Variants in AGPAT4 observed in about 807,000 individuals in gnomAD.
The protein encoded by AGPAT4 is 1-acyl-sn-glycerol-3-phosphate acyltransferase delta.
Under a neutral mutation model 48.0 loss-of-function variants are expected in AGPAT4, and 15 were observed. The ratio of observed to expected loss-of-function variants is 0.31; its 90% CI spans 0.21 to 0.48. AGPAT4 has a LOEUF of 0.48. Among genes scored for constraint, AGPAT4 ranks in the 20% least tolerant of loss-of-function variants. The pLI is 0.99. For synonymous variants in AGPAT4, 178 were observed against 198.7 expected, an observed-to-expected ratio of 0.90 and a Z score of 0.88; for missense variants, 314 against 482.5, an observed-to-expected ratio of 0.65 and a Z score of 3.27.
rs949422703 is a variant in AGPAT4 at position 161,262,250 on chromosome 6, A to G, written c.-90+11688T>C. Reference sequence around the variant, plus strand: ...AATTGGTTGGTCCAAGGTGGGGCCCAGGAAGTCCTTTTTAAAATGCTTCCT... The same window carrying G: ...AATTGGTTGGTCCAAGGTGGGGCCCGGGAAGTCCTTTTTAAAATGCTTCCT... On this transcript the variant is annotated intron_variant, in intron 1 of 8. Transcript: ENST00000320285. The surrounding 1 kb of genome is among the most constrained non-coding windows in gnomAD (Gnocchi z 4.9). 2.0e-5 allele frequency among the ~76,000 whole-genome samples: 3 copies of G among 152,160 alleles called. No homozygotes were observed. Among genetic ancestry groups the G allele is most frequent in the African/African-American group, 7.2e-5 (3 of 41,436 alleles).
rs1460993499 is a variant in AGPAT4 at position 161,251,882 on chromosome 6, G to A, written c.-89-19580C>T. 6.6e-6 allele frequency among the ~76,000 whole-genome samples: 1 copy of A among 152,224 alleles called. No homozygotes were observed. The highest frequency in any genetic ancestry group is 1.5e-5 in the Non-Finnish European group (1 of 68,044). On this transcript the variant is annotated intron_variant, in intron 1 of 8. Coordinates refer to ENST00000320285, the MANE Select transcript of AGPAT4 (RefSeq NM_020133.3). This position sits in a 1 kb window ranked among gnomAD's most constrained non-coding sequence, Gnocchi z 4.6. The stretch of plus-strand genomic sequence containing the variant: ...CTAAAGGGATACATTACCTGTTACA[G>A]ATTAGGGAATGGAAGGCCTATGATG...
rs1473904161 is a variant in AGPAT4 at position 161,137,001 on chromosome 6, T to C, written c.1043-367A>G. ...AGGGACAGGAAGTTAACAGGGCATG[T>C]TCAGCGAAGTTTTATAAAGAACAGA... On this transcript the variant is annotated intron_variant, in intron 8 of 8. Coordinates refer to ENST00000320285, the MANE Select transcript of AGPAT4 (RefSeq NM_020133.3). This position sits in a 1 kb window ranked among gnomAD's most constrained non-coding sequence, Gnocchi z 6.1. Among the ~76,000 whole-genome samples, 1 of 152,180 alleles carries C rather than the reference T, an allele frequency of 6.6e-6. No homozygotes were observed. Among genetic ancestry groups the C allele is most frequent in the Admixed American group, 6.5e-5 (1 of 15,280 alleles).
At position 161,254,514 on chromosome 6, in the gene AGPAT4, C is replaced by G. The variant is rs895320481; in HGVS notation, c.-90+19424G>C. 6.6e-6 allele frequency among the ~76,000 whole-genome samples: 1 copy of G among 152,230 alleles called. No individual in the cohort carries two copies. Among genetic ancestry groups the G allele is most frequent in the Non-Finnish European group, 1.5e-5 (1 of 68,044 alleles). On this transcript the variant is annotated intron_variant, in intron 1 of 8. Coordinates refer to ENST00000320285, the MANE Select transcript of AGPAT4 (RefSeq NM_020133.3). This position sits in a 1 kb window ranked among gnomAD's most constrained non-coding sequence, Gnocchi z 5.9. ...TCAGCGAATATTTATAGAGCCTCTACCGCGTGGCCCTGGTGATCTTTTCTC... is the reference window on the plus strand; with the variant it reads ...TCAGCGAATATTTATAGAGCCTCTAGCGCGTGGCCCTGGTGATCTTTTCTC...
chr6:161,164,384 C>A lies in AGPAT4; in HGVS notation c.348+1864G>T, dbSNP rs1455734549. On this transcript the variant is annotated intron_variant, in intron 3 of 8. Coordinates refer to ENST00000320285, the MANE Select transcript of AGPAT4 (RefSeq NM_020133.3). The surrounding 1 kb of genome is among the most constrained non-coding windows in gnomAD (Gnocchi z 7.4). Reference sequence around the variant, plus strand: ...CCAGCTCCTGCAACTCCATCCCCAACCCCATGAAGGTGCGGGTGACTTGCA... The same window carrying A: ...CCAGCTCCTGCAACTCCATCCCCAAACCCATGAAGGTGCGGGTGACTTGCA... 6.6e-6 allele frequency among the ~76,000 whole-genome samples: 1 copy of A among 152,214 alleles called. No individual in the cohort carries two copies. The highest frequency in any genetic ancestry group is 2.4e-5 in the African/African-American group (1 of 41,464).
Position 161,236,739 on chromosome 6 carries a change from A to G in AGPAT4, c.-89-4437T>C, listed in dbSNP as rs573262650. Among the ~76,000 whole-genome samples, 5 of 141,610 alleles carry G rather than the reference A, an allele frequency of 3.5e-5. No homozygotes were observed. The highest frequency in any genetic ancestry group is 1.4e-4 in the Admixed American group (2 of 14,556). 92.9% of individuals were successfully genotyped at this position (141,610 alleles called of 152,430 possible). Reference sequence around the variant, plus strand: ...GTGAAACCCCATCTCCACTAAAAATACAAAAAAAAAAAAATAGCTGGATGT... The same window carrying G: ...GTGAAACCCCATCTCCACTAAAAATGCAAAAAAAAAAAAATAGCTGGATGT... On this transcript the variant is annotated intron_variant, in intron 1 of 8. Coordinates refer to ENST00000320285, the MANE Select transcript of AGPAT4 (RefSeq NM_020133.3). This position sits in a 1 kb window ranked among gnomAD's most constrained non-coding sequence, Gnocchi z 5.0.
rs1019452737 is a variant in AGPAT4, at chr6:161,186,712, C to T, written c.179-20295G>A. ...GCAAGCCCCAACTCCAGGCCACCCTCTCCTTCCCCCACTTCTCCCCACCGC... is the reference window on the plus strand; with the variant it reads ...GCAAGCCCCAACTCCAGGCCACCCTTTCCTTCCCCCACTTCTCCCCACCGC... On this transcript the variant is annotated intron_variant, in intron 2 of 8. Coordinates refer to ENST00000320285, the MANE Select transcript of AGPAT4 (RefSeq NM_020133.3). Among the ~76,000 whole-genome samples the T allele has an allele frequency of 3.9e-5, 6 of 152,224 alleles. No individual in the cohort carries two copies. The South Asian group carries it at 1.2e-3, about 32-fold the overall frequency.
chr6:161,174,742 C>T (rs982812337), intron 2 of AGPAT4, among the ~76,000 whole-genome samples: 1 of 152,192 alleles, frequency 6.6e-6, no homozygotes, highest in Non-Finnish European at 1.5e-5. Flanking sequence ...AAAGGGAATG[C>T]TTCCAGTTTT....
intron 2 of AGPAT4, among the ~76,000 whole-genome samples, chr6:161,205,663 TG>T (rs1159429190): frequency 9.5e-6 from 1 of 104,788 alleles, no homozygotes; most frequent in East Asian, 2.8e-4. Context: ...AACTTCCCAC[TG>T]GAAGATCACA....
rs112889874 is a variant in AGPAT4, at chr6:161,197,130, G to A, written c.179-30713C>T. Among the ~76,000 whole-genome samples, 5 of 152,166 alleles carry A rather than the reference G, an allele frequency of 3.3e-5. No homozygotes were observed. The highest frequency in any genetic ancestry group is 9.7e-5 in the African/African-American group (4 of 41,446). The stretch of plus-strand genomic sequence containing the variant: ...GGATCCAGGAACACTTTAATTTGCC[G>A]ATACTAATGAGTATTTTAGGAGATG... On this transcript the variant is annotated intron_variant, in intron 2 of 8. Coordinates refer to ENST00000320285, the MANE Select transcript of AGPAT4 (RefSeq NM_020133.3). This position sits in a 1 kb window ranked among gnomAD's most constrained non-coding sequence, Gnocchi z 5.7.
chr6:161,220,896 G>A lies in AGPAT4; in HGVS notation c.178+11140C>T, dbSNP rs761156619. The stretch of plus-strand genomic sequence containing the variant: ...CCTCCCGGGTTCAAGCAATTCTCCT[G>A]CCTCAGTCTCCCGAGTAGCTGGGAT... On this transcript the variant is annotated intron_variant, in intron 2 of 8. Transcript: ENST00000320285. The surrounding 1 kb of genome is among the most constrained non-coding windows in gnomAD (Gnocchi z 6.0). Among the ~76,000 whole-genome samples, 3 of 152,092 alleles carry A rather than the reference G, an allele frequency of 2.0e-5. No homozygotes were observed. The highest frequency in any genetic ancestry group is 2.9e-5 in the Non-Finnish European group (2 of 68,018).
rs1020136766 is a variant in AGPAT4 at position 161,137,091 on chromosome 6, G to C, written c.1043-457C>G. On this transcript the variant is annotated intron_variant, in intron 8 of 8. Coordinates refer to ENST00000320285, the MANE Select transcript of AGPAT4 (RefSeq NM_020133.3). The surrounding 1 kb of genome is among the most constrained non-coding windows in gnomAD (Gnocchi z 6.1). ...CCCAACACGTTTCAGCACTGCTTTT[G>C]GTGCAAGCGTTAGAGCAGTGAGAAA... 1.3e-5 allele frequency among the ~76,000 whole-genome samples: 2 copies of C among 152,204 alleles called. No homozygotes were observed. The highest frequency in any genetic ancestry group is 4.8e-5 in the African/African-American group (2 of 41,462).
Position 161,154,209 on chromosome 6 carries a change from C to G in AGPAT4, c.450G>C (p.Gln150His), listed in dbSNP as rs779765730. 1 of 1,614,172 alleles carries G rather than the reference C, an allele frequency of 6.2e-7. No individual in the cohort carries two copies. Among genetic ancestry groups the G allele is most frequent in the South Asian group, 1.1e-5 (1 of 91,068 alleles). ...AACTGGTGGCAACCGTCTTGCGATC[C>G]TGCTCCCACTTGCGCGAACAGAAGA... ...EMVFCSRKWE[Q>H]DRKTVATSLQ... is the part of the protein sequence containing the mutation. Residue 150 changes from glutamine to histidine, a missense_variant, in exon 4 of 9, where the codon CAG (glutamine) becomes CAC (histidine). Gln to His is a conservative substitution (Grantham distance 24, BLOSUM62 0). Transcript: ENST00000320285. This position sits in a 1 kb window ranked among gnomAD's most constrained non-coding sequence, Gnocchi z 7.8.
rs1783405874 is a variant in AGPAT4, at chr6:161,270,996, TG to T, written c.-90+2941del. On this transcript the variant is annotated intron_variant, in intron 1 of 8. Coordinates refer to ENST00000320285, the MANE Select transcript of AGPAT4 (RefSeq NM_020133.3). This position sits in a 1 kb window ranked among gnomAD's most constrained non-coding sequence, Gnocchi z 5.3. Reference sequence around the variant, plus strand: ...AGTTTCATACCTGTTTAAAGTCTAGTGTAAGTCTGGCCTTTCGTTGTTAAGC... The same window carrying T: ...AGTTTCATACCTGTTTAAAGTCTAGTTAAGTCTGGCCTTTCGTTGTTAAGC... Among the ~76,000 whole-genome samples, 1 of 152,232 alleles carries T rather than the reference TG, an allele frequency of 6.6e-6. No homozygotes were observed. Among genetic ancestry groups the T allele is most frequent in the South Asian group, 2.1e-4 (1 of 4,826 alleles).
rs1351026801 is a variant in AGPAT4 at position 161,234,728 on chromosome 6, A to C, written c.-89-2426T>G. Reference sequence around the variant, plus strand: ...TTTTCACTAGGTTTCTGGGGTCTAGAGTTTGTAAATTACTTGACAAATCCT... The same window carrying C: ...TTTTCACTAGGTTTCTGGGGTCTAGCGTTTGTAAATTACTTGACAAATCCT... On this transcript the variant is annotated intron_variant, in intron 1 of 8. Coordinates refer to ENST00000320285, the MANE Select transcript of AGPAT4 (RefSeq NM_020133.3). This position sits in a 1 kb window ranked among gnomAD's most constrained non-coding sequence, Gnocchi z 4.4. Among the ~76,000 whole-genome samples, 2 of 152,098 alleles carry C rather than the reference A, an allele frequency of 1.3e-5. No homozygotes were observed. The highest frequency in any genetic ancestry group is 2.9e-5 in the Non-Finnish European group (2 of 68,028).
At position 161,154,382 on chromosome 6, in the gene AGPAT4, T is replaced by A; in HGVS notation, c.349-72A>T. 1 of 1,577,616 alleles carries A rather than the reference T, an allele frequency of 6.3e-7. No individual in the cohort carries two copies. The highest frequency in any genetic ancestry group is 1.8e-5 in the Admixed American group (1 of 56,482). On this transcript the variant is annotated intron_variant, in intron 3 of 8. Coordinates refer to ENST00000320285, the MANE Select transcript of AGPAT4 (RefSeq NM_020133.3). This position sits in a 1 kb window ranked among gnomAD's most constrained non-coding sequence, Gnocchi z 7.8. ...GCCACCTGCCGGGGCTGTTGGAGACTGAAGTAGAAAAAGAGGAGGGGACGT... is the reference window on the plus strand; with the variant it reads ...GCCACCTGCCGGGGCTGTTGGAGACAGAAGTAGAAAAAGAGGAGGGGACGT...
In AGPAT4 at chr6:161,144,285, G is replaced by A. The variant is rs529507628; in HGVS notation, c.843+2239C>T. The A allele has an allele frequency of 2.3e-5, 11 of 469,274 alleles. No individual in the cohort carries two copies. The highest frequency in any genetic ancestry group is 3.5e-5 in the Non-Finnish European group (8 of 227,982). The allele number at this position is 469,274 out of a possible 1,614,324, so 29.1% of individuals were successfully genotyped here. ...CCCAGCCCTGCACGGAGAGAGAAAG[G>A]GCCTGGACTCCAGCACCTGGCTTTG... On this transcript the variant is annotated intron_variant, in intron 7 of 8. Coordinates refer to ENST00000320285, the MANE Select transcript of AGPAT4 (RefSeq NM_020133.3). This position sits in a 1 kb window ranked among gnomAD's most constrained non-coding sequence, Gnocchi z 6.6.
rs1177429626 is a variant in AGPAT4, at chr6:161,202,749, G to GA, written c.178+29286dup. ...TGCTTGTAACCAGGATAATGTGGCA[G>GA]AAAAAATGCATGACTCTCAAGGCCA... On this transcript the variant is annotated intron_variant, in intron 2 of 8. Coordinates refer to ENST00000320285, the MANE Select transcript of AGPAT4 (RefSeq NM_020133.3). This position sits in a 1 kb window ranked among gnomAD's most constrained non-coding sequence, Gnocchi z 5.4. Among the ~76,000 whole-genome samples the GA allele has an allele frequency of 2.0e-5, 3 of 152,084 alleles. No homozygotes were observed. The highest frequency in any genetic ancestry group is 1.3e-4 in the Admixed American group (2 of 15,268).
chr6:161,204,203 T>C lies in AGPAT4; in HGVS notation c.178+27833A>G, dbSNP rs1332338472. On this transcript the variant is annotated intron_variant, in intron 2 of 8. Transcript: ENST00000320285. This position sits in a 1 kb window ranked among gnomAD's most constrained non-coding sequence, Gnocchi z 4.4. ...TGAATGCATTTAAACTTCTCATTAGTAAGTGTACATAAAAGGGATTTGTGT... is the reference window on the plus strand; with the variant it reads ...TGAATGCATTTAAACTTCTCATTAGCAAGTGTACATAAAAGGGATTTGTGT... 6.6e-6 allele frequency among the ~76,000 whole-genome samples: 1 copy of C among 152,226 alleles called. No homozygotes were observed. The highest frequency in any genetic ancestry group is 2.4e-5 in the African/African-American group (1 of 41,464).
In AGPAT4 at chr6:161,219,938, G is replaced by GCAGC. The variant is rs1491199203; in HGVS notation, c.178+12097_178+12098insGCTG. Among the ~76,000 whole-genome samples, 11 of 146,032 alleles carry GCAGC rather than the reference G, an allele frequency of 7.5e-5. No individual in the cohort carries two copies. In the South Asian group the frequency reaches 2.3e-3, roughly 31 times the overall value. On this transcript the variant is annotated intron_variant, in intron 2 of 8. Transcript: ENST00000320285. The surrounding 1 kb of genome is among the most constrained non-coding windows in gnomAD (Gnocchi z 4.9). Reference sequence around the variant, plus strand: ...AGGCGGCAGGCAGGCAGGCAGGCAGGCAGGCAGGCAGACAGACAGACAGAC... The same window carrying GCAGC: ...AGGCGGCAGGCAGGCAGGCAGGCAGGCAGCCAGGCAGGCAGACAGACAGACAGAC...
Sources: allele counts gnomAD v4.1 joint callset (sites outside exome capture counted in the v4.1 genomes callset), GRCh38; gene constraint gnomAD v4.1.1; non-coding constraint Gnocchi (gnomAD v3.1); transcripts MANE v1.5; gene names NCBI Gene and HGNC (gene_info 2026-07-23, HGNC 2026-07-21).